The following SLC8A1 variants were observed in gnomAD, a reference collection of about 807,000 sequenced individuals.
The protein encoded by SLC8A1 is sodium/calcium exchanger 1.
A neutral mutation model predicts 68.3 loss-of-function variants in SLC8A1; 18 were observed. The observed-to-expected ratio is 0.26, with a 90% CI of 0.18 to 0.39. SLC8A1 has a LOEUF of 0.39. Among genes scored for constraint, SLC8A1 ranks in the 10% least tolerant of loss-of-function variants. The pLI, the probability that SLC8A1 is intolerant of heterozygous loss-of-function variation, is 1.00. For missense variants in SLC8A1, 985 were observed against 1,156.7 expected (o/e 0.85, Z 2.15); for synonymous variants, 475 against 415.5 (o/e 1.14, Z -1.74).
chr2:40,308,590 C>A (rs148731712), intron 2 of SLC8A1, among the ~76,000 whole-genome samples: 1 of 151,964 alleles, frequency 6.6e-6, no homozygotes, highest in Non-Finnish European at 1.5e-5. Flanking sequence ...TGGGAATCAC[C>A]ACCAATATCA....
At chr2:40,183,971 C>CAAAGTGAGACCCTGTTTCTACGA (rs1255633169) in intron 2 of SLC8A1, among the ~76,000 whole-genome samples, 1 of 152,006 alleles carries the variant, frequency 6.6e-6, no homozygotes, top group Non-Finnish European at 1.5e-5. Flanking sequence ...GCCTGGGCAA[C>CAAAGTGAGACCCTGTTTCTACGA]AAAGTGAGAC....
intron 2 of SLC8A1, among the ~76,000 whole-genome samples, chr2:40,370,174 C>A (rs553984766): frequency 2.0e-5 from 3 of 152,232 alleles, no homozygotes; most frequent in African/African-American, 4.8e-5. Context: ...CATTTCTGTA[C>A]GCTTGTTGGT....
chr2:40,324,756 ATAC>A (rs2075622428), intron 2 of SLC8A1, among the ~76,000 whole-genome samples: 1 of 152,090 alleles, frequency 6.6e-6, no homozygotes, highest in Admixed American at 6.6e-5. Context: ...TATCAGGAAC[ATAC>A]TACTTTTGAT....
chr2:40,188,657 A>G (rs1210696881), intron 2 of SLC8A1, among the ~76,000 whole-genome samples: 4 of 152,238 alleles, frequency 2.6e-5, no homozygotes, highest in Non-Finnish European at 5.9e-5. Flanking sequence ...CTGGCATGTT[A>G]TAGGACAGCA....
chr2:40,465,014 G>T (rs1233057004), intron 1 of SLC8A1, among the ~76,000 whole-genome samples: 1 of 152,142 alleles, frequency 6.6e-6, no homozygotes, highest in East Asian at 1.9e-4. Context: ...CACTATAGAA[G>T]CACAGAGGAA....
chr2:40,274,229 C>G (rs1383978889), intron 2 of SLC8A1, among the ~76,000 whole-genome samples: 1 of 148,744 alleles, frequency 6.7e-6, no homozygotes, highest in Non-Finnish European at 1.5e-5. Context: ...AGATTTCTAC[C>G]AAGGAAACCT....
chr2:40,326,382 T>G (rs192553896), intron 2 of SLC8A1, among the ~76,000 whole-genome samples: 138 of 151,970 alleles, frequency 9.1e-4, no homozygotes, highest in Non-Finnish European at 1.7e-3. Context: ...AGATCAAAAA[T>G]AGTCATAGCT....
intron 1 of SLC8A1, among the ~76,000 whole-genome samples, chr2:40,491,384 G>A (rs1004778833): frequency 1.3e-5 from 2 of 152,080 alleles, no homozygotes; most frequent in Admixed American, 6.6e-5. Context: ...GAGATTTTGG[G>A]CTGAGACAAT....
At chr2:40,112,892 T>G (rs2034734912) in exon 8 of SLC8A1, 1 of 152,332 alleles carries the variant, frequency 6.6e-6, no homozygotes, top group Admixed American at 6.5e-5. Context: ...TGCCTTATGC[T>G]CTCTTAGTTA....
Position 40,492,096 on chromosome 2 carries a change from C to T in SLC8A1, c.-25+20253G>A, listed in dbSNP as rs1266397786. Among the ~76,000 whole-genome samples the T allele has an allele frequency of 2.6e-5, 4 of 152,168 alleles. No individual in the cohort carries two copies. The South Asian group carries it at 6.2e-4, about 24-fold the overall frequency. On this transcript the variant is annotated intron_variant, in intron 1 of 7. Transcript: ENST00000402441. ...TCACACTACCTGACTTCAAACTATA[C>T]TACAAGGCTACAGTAACCAAAACAG...
intron 1 of SLC8A1, among the ~76,000 whole-genome samples, chr2:40,469,513 T>A (rs1703886995): frequency 6.6e-6 from 1 of 152,190 alleles, no homozygotes; most frequent in South Asian, 2.1e-4. Flanking sequence ...TTACTCAGTT[T>A]TAGGTAGTTC....
chr2:40,229,747 C>A (rs1411354994), intron 2 of SLC8A1, among the ~76,000 whole-genome samples: 1 of 152,138 alleles, frequency 6.6e-6, no homozygotes, highest in Non-Finnish European at 1.5e-5. Flanking sequence ...AGGCAAAATT[C>A]GTGTGCTGTA....
At chr2:40,252,345 T>A (rs563406068) in intron 2 of SLC8A1, among the ~76,000 whole-genome samples, 1 of 152,096 alleles carries the variant, frequency 6.6e-6, no homozygotes, top group East Asian at 1.9e-4. Flanking sequence ...TTTTGATTGA[T>A]TGATTGAGAT....
At chr2:40,433,619 G>C (rs866743418) in intron 1 of SLC8A1, among the ~76,000 whole-genome samples, 2 of 152,154 alleles carry the variant, frequency 1.3e-5, no homozygotes, top group African/African-American at 4.8e-5. Flanking sequence ...ATCCTAAATA[G>C]TAGGTACTAT....
chr2:40,269,673 G>T (rs975508750), intron 2 of SLC8A1, among the ~76,000 whole-genome samples: 2 of 152,172 alleles, frequency 1.3e-5, no homozygotes, highest in South Asian at 4.1e-4. Context: ...GCCACTGATT[G>T]TAAGGGAGCA....
intron 2 of SLC8A1, among the ~76,000 whole-genome samples, chr2:40,320,837 C>T (rs980964954): frequency 6.6e-6 from 1 of 152,140 alleles, no homozygotes; most frequent in African/African-American, 2.4e-5. Context: ...TGGCCGACCT[C>T]TTCTTTCCTT....
chr2:40,098,822 T>C (rs1010598961), exon 8 of SLC8A1: 2 of 152,032 alleles, frequency 1.3e-5, no homozygotes, highest in Non-Finnish European at 2.9e-5. Flanking sequence ...TAGAGAATGT[T>C]AGGGTGTTTC....
chr2:40,481,464 T>C (rs1704623061), intron 1 of SLC8A1, among the ~76,000 whole-genome samples: 2 of 152,196 alleles, frequency 1.3e-5, no homozygotes, highest in Non-Finnish European at 2.9e-5. Flanking sequence ...TTTATAAAAA[T>C]AAGAGTGTCA....
intron 2 of SLC8A1, among the ~76,000 whole-genome samples, chr2:40,391,417 A>C (rs538688700): frequency 2.0e-5 from 3 of 152,160 alleles, no homozygotes; most frequent in South Asian, 2.1e-4. Flanking sequence ...TGGAAGCTCT[A>C]ATCTCCTATT....
Sources: gnomAD v4.1 joint callset for allele counts (sites outside exome capture counted in the v4.1 genomes callset) on GRCh38, gnomAD v4.1.1 for gene constraint, MANE v1.5 for transcripts, NCBI Gene and HGNC (gene_info 2026-07-23, HGNC 2026-07-21) for gene names.